IMMP2L: variants seen among roughly 807,000 people sequenced by gnomAD.
IMMP2L encodes the protein mitochondrial inner membrane protease subunit 2.
In IMMP2L, 18 loss-of-function variants were observed where a neutral mutation model predicts 19.3. That is an observed-to-expected ratio of 0.93 (90% CI 0.64 to 1.38). The LOEUF is 1.38. Among genes scored for constraint, IMMP2L ranks in the 40% most tolerant of loss-of-function variants. The pLI is 0.00. For synonymous variants in IMMP2L, 76 were observed against 73.0 expected (o/e 1.04, Z -0.21); for missense variants, 233 against 218.2 (o/e 1.07, Z -0.43).
chr7:110,961,430 GTGT>G (rs1818928112), intron 4 of IMMP2L, among the ~76,000 whole-genome samples: 2 of 94,700 alleles, frequency 2.1e-5, no homozygotes, highest in Admixed American at 1.1e-4. Flanking sequence ...AAAAAAGTCT[GTGT>G]TTTTTTTTTT....
intron 5 of IMMP2L, among the ~76,000 whole-genome samples, chr7:110,749,072 A>G (rs1411844275): frequency 6.6e-6 from 1 of 152,244 alleles, no homozygotes; most frequent in African/African-American, 2.4e-5. Context: ...AACCCCATCA[A>G]AAAGTGGGCA....
intron 3 of IMMP2L, among the ~76,000 whole-genome samples, chr7:110,982,133 T>TC (rs1282643417): frequency 6.6e-6 from 1 of 152,174 alleles, no homozygotes; most frequent in African/African-American, 2.4e-5. Context: ...GCATCTGATT[T>TC]CAGGTTCTAT....
At chr7:111,030,918 AT>A (rs1563176460) in intron 3 of IMMP2L, among the ~76,000 whole-genome samples, 140 of 91,756 alleles carry the variant, frequency 1.5e-3, no homozygotes, top group African/African-American at 4.8e-3. Flanking sequence ...ATATATATAT[AT>A]ATATATAAAA....
At chr7:110,866,905 C>T (rs1238075982) in intron 5 of IMMP2L, among the ~76,000 whole-genome samples, 1 of 152,008 alleles carries the variant, frequency 6.6e-6, no homozygotes, top group Non-Finnish European at 1.5e-5. Flanking sequence ...TTAAAAGAAC[C>T]TTAAGCTATA....
intron 3 of IMMP2L, among the ~76,000 whole-genome samples, chr7:111,018,461 T>C (rs1323204962): frequency 6.6e-6 from 1 of 152,212 alleles, no homozygotes; most frequent in African/African-American, 2.4e-5. Flanking sequence ...AGAAACATTT[T>C]CCTTGTTCAA....
intron 3 of IMMP2L, among the ~76,000 whole-genome samples, chr7:111,239,890 A>G (rs1814796675): frequency 6.6e-6 from 1 of 151,954 alleles, no homozygotes; most frequent in Non-Finnish European, 1.5e-5. Context: ...GTTCTTTTTA[A>G]AAGGTCTTGT....
chr7:111,515,290 A>G (rs1278329409), intron 2 of IMMP2L, among the ~76,000 whole-genome samples: 1 of 152,158 alleles, frequency 6.6e-6, no homozygotes, highest in African/African-American at 2.4e-5. Context: ...TCAATTCCAC[A>G]TCAGGGCTTT....
rs1462099819 is a variant in IMMP2L at position 111,243,673 on chromosome 7, G to C, written c.239+243565C>G. 4.2e-3 allele frequency among the ~76,000 whole-genome samples: 423 copies of C among 101,862 alleles called. 8 individuals carry two copies. The highest frequency in any genetic ancestry group is 0.015 in the African/African-American group (377 of 25,998). The allele number at this position is 101,862 out of a possible 152,430, so 66.8% of individuals were successfully genotyped here. A position where few individuals can be genotyped will look rare whatever the true frequency, so the allele number is the denominator to read the frequency against. On this transcript the variant is annotated intron_variant, in intron 3 of 5. Coordinates refer to ENST00000405709, the MANE Select transcript of IMMP2L (RefSeq NM_032549.4). ...CAATGCTATCCCTCCCCCCTCCCCC[G>C]ACCCCACCACAGTCCCCAGAGTGTG...
intron 3 of IMMP2L, among the ~76,000 whole-genome samples, chr7:111,299,451 A>C (rs949758278): frequency 7.9e-5 from 12 of 152,096 alleles, no homozygotes; most frequent in Non-Finnish European, 1.2e-4. Context: ...AATCTTCAAA[A>C]TGCAACATAG....
intron 3 of IMMP2L, among the ~76,000 whole-genome samples, chr7:111,350,005 T>C (rs919111611): frequency 1.3e-5 from 2 of 151,830 alleles, no homozygotes; most frequent in African/African-American, 4.8e-5. Context: ...TTAGCTCTTA[T>C]TGCCTAGACT....
intron 3 of IMMP2L, among the ~76,000 whole-genome samples, chr7:111,164,743 T>C (rs945258661): frequency 6.6e-6 from 1 of 152,044 alleles, no homozygotes; most frequent in Non-Finnish European, 1.5e-5. Context: ...ATAGCATCTG[T>C]CAAGTTTTGA....
intron 2 of IMMP2L, among the ~76,000 whole-genome samples, chr7:111,502,678 A>G (rs376572910): frequency 0.051 from 7,751 of 150,994 alleles, 444 homozygotes; most frequent in African/African-American, 0.14. Flanking sequence ...ACTCAAAACC[A>G]CTCAACTACA....
intron 3 of IMMP2L, among the ~76,000 whole-genome samples, chr7:111,324,032 C>G (rs1371571792): frequency 1.3e-5 from 2 of 151,890 alleles, no homozygotes; most frequent in African/African-American, 4.8e-5. Context: ...AGGAGATACA[C>G]CTAATGTTAA....
rs983633459 is a variant in IMMP2L at position 111,054,565 on chromosome 7, A to G, written c.240-91000T>C. On this transcript the variant is annotated intron_variant, in intron 3 of 5. Transcript: ENST00000405709. ...ATCCCTGCAGACATCCATGAGGTACAGTTTGTCTCAGACACACACTGGAGC... is the reference window on the plus strand; with the variant it reads ...ATCCCTGCAGACATCCATGAGGTACGGTTTGTCTCAGACACACACTGGAGC... Among the ~76,000 whole-genome samples, 5 of 152,214 alleles carry G rather than the reference A, an allele frequency of 3.3e-5. No individual in the cohort carries two copies. The East Asian group carries it at 9.6e-4, about 29-fold the overall frequency.
At chr7:111,161,221 T>G (rs1270197411) in intron 3 of IMMP2L, among the ~76,000 whole-genome samples, 1 of 151,564 alleles carries the variant, frequency 6.6e-6, no homozygotes, top group Non-Finnish European at 1.5e-5. Flanking sequence ...AAGGGAGGAG[T>G]GATTTATTTC....
chr7:111,327,688 G>C (rs1484502094), intron 3 of IMMP2L, among the ~76,000 whole-genome samples: 1 of 151,692 alleles, frequency 6.6e-6, no homozygotes, highest in Non-Finnish European at 1.5e-5. Flanking sequence ...TTAGAGGCTA[G>C]AAAGTAATCT....
chr7:111,161,206 C>T (rs1805224535), intron 3 of IMMP2L, among the ~76,000 whole-genome samples: 1 of 151,748 alleles, frequency 6.6e-6, no homozygotes, highest in Non-Finnish European at 1.5e-5. Context: ...GGGAGAAGGG[C>T]ATGGAAGGGA....
At chr7:110,850,414 G>A (rs1806081568) in intron 5 of IMMP2L, among the ~76,000 whole-genome samples, 1 of 152,036 alleles carries the variant, frequency 6.6e-6, no homozygotes, top group Non-Finnish European at 1.5e-5. Flanking sequence ...GAAATGATGG[G>A]CCTCTCAATT....
chr7:110,717,421 C>T (rs768567092), intron 5 of IMMP2L, among the ~76,000 whole-genome samples: 5 of 152,192 alleles, frequency 3.3e-5, no homozygotes, highest in East Asian at 1.9e-4. Flanking sequence ...GCTGAGATTG[C>T]GCCACTGCGC....
Sources: gnomAD v4.1 joint callset for allele counts (sites outside exome capture counted in the v4.1 genomes callset) on GRCh38, gnomAD v4.1.1 for gene constraint, MANE v1.5 for transcripts, NCBI Gene and HGNC (gene_info 2026-07-23, HGNC 2026-07-21) for gene names.